Variants in MOBP observed in about 807,000 individuals in gnomAD.
The protein encoded by MOBP is myelin associated oligodendrocyte basic protein.
In MOBP, 5 loss-of-function variants were observed where a neutral mutation model predicts 15.0. That is an observed-to-expected ratio of 0.33 (90% CI 0.17 to 0.70). The LOEUF (loss-of-function observed/expected upper bound fraction) is 0.70. Ranked by LOEUF, MOBP falls within the 30% of genes least tolerant of loss-of-function variation. MOBP has a pLI of 0.67. For synonymous variants in MOBP, 88 were observed against 99.0 expected (o/e 0.89, Z 0.66); for missense variants, 188 against 257.8 (o/e 0.73, Z 1.85).
At chr3:39,520,759 A>T (rs1488629845), downstream of MOBP, among the ~76,000 whole-genome samples, 1 of 152,164 alleles carries the variant, frequency 6.6e-6, no homozygotes, top group African/African-American at 2.4e-5. Context: ...ACAGGAGGTC[A>T]TGGCTCCTGA....
intron 1 of MOBP, among the ~76,000 whole-genome samples, chr3:39,473,345 G>A (rs2042497380): frequency 6.6e-6 from 1 of 152,200 alleles, no homozygotes; most frequent in South Asian, 2.1e-4. Flanking sequence ...GGGCCACCTG[G>A]CCACATGGGG....
chr3:39,508,947 A>G (rs1243865678), intron 4 of MOBP, among the ~76,000 whole-genome samples: 1 of 152,156 alleles, frequency 6.6e-6, no homozygotes, highest in East Asian at 1.9e-4. Flanking sequence ...GAACACAACT[A>G]TATATACAGG....
chr3:39,491,597 C>T (rs1267175109), intron 2 of MOBP, among the ~76,000 whole-genome samples: 2 of 152,002 alleles, frequency 1.3e-5, no homozygotes, highest in Non-Finnish European at 2.9e-5. Flanking sequence ...AGAATCATAC[C>T]AGACAACTCA....
At chr3:39,468,241 C>T (rs1477114479) in intron 1 of MOBP, among the ~76,000 whole-genome samples, 3 of 152,128 alleles carry the variant, frequency 2.0e-5, no homozygotes, top group African/African-American at 7.2e-5. Context: ...ATTCTGCCCC[C>T]TGTAGACCAA....
downstream of MOBP, among the ~76,000 whole-genome samples, chr3:39,519,186 G>A (rs938417515): frequency 4.6e-5 from 7 of 152,132 alleles, no homozygotes; most frequent in African/African-American, 9.7e-5. Flanking sequence ...AGATTTTTAC[G>A]TAATCTCTTT....
chr3:39,468,980 A>G (rs896974864), intron 1 of MOBP, among the ~76,000 whole-genome samples: 1 of 117,180 alleles, frequency 8.5e-6, no homozygotes, highest in Non-Finnish European at 1.6e-5. Flanking sequence ...GTATATATAC[A>G]TATATACATA....
At chr3:39,521,978 G>T (rs558834820) in intron 3 of MOBP, among the ~76,000 whole-genome samples, 1 of 152,302 alleles carries the variant, frequency 6.6e-6, no homozygotes, top group African/African-American at 2.4e-5. Flanking sequence ...TATGGGAGGA[G>T]GGTGGGTCTG....
intron 2 of MOBP, among the ~76,000 whole-genome samples, chr3:39,482,076 A>G (rs543972982): frequency 6.6e-6 from 1 of 151,822 alleles, no homozygotes; most frequent in Non-Finnish European, 1.5e-5. Flanking sequence ...AAACACCTCA[A>G]CTTGAATCCA....
At chr3:39,492,283 C>G (rs995273816) in intron 2 of MOBP, among the ~76,000 whole-genome samples, 3 of 152,086 alleles carry the variant, frequency 2.0e-5, no homozygotes, top group Admixed American at 2.0e-4. Context: ...CATGGCAAGG[C>G]CTAGCAGAGG....
intron 3 of MOBP, chr3:39,524,164 A>G (rs888867326): frequency 2.6e-5 from 4 of 152,226 alleles, no homozygotes; most frequent in African/African-American, 7.2e-5. Flanking sequence ...GGATGCACAG[A>G]TACAACCACT....
downstream of MOBP, among the ~76,000 whole-genome samples, chr3:39,506,703 C>T (rs2043052446): frequency 2.0e-5 from 3 of 152,178 alleles, no homozygotes; most frequent in South Asian, 6.2e-4. Context: ...GCAAAGTGGA[C>T]TGCAGCAGCA....
At chr3:39,508,494 A>G (rs1221336790) in intron 4 of MOBP, among the ~76,000 whole-genome samples, 1 of 151,478 alleles carries the variant, frequency 6.6e-6, no homozygotes, top group Non-Finnish European at 1.5e-5. Context: ...GTAATATTAT[A>G]GCCTTTTGAG....
intron 4 of MOBP, among the ~76,000 whole-genome samples, chr3:39,512,949 C>T (rs1254779898): frequency 1.3e-5 from 2 of 152,142 alleles, no homozygotes; most frequent in Non-Finnish European, 2.9e-5. Context: ...TTTGTTCCCT[C>T]ATCAAAGTGG....
downstream of MOBP, among the ~76,000 whole-genome samples, chr3:39,504,268 T>C (rs949968963): frequency 6.6e-6 from 1 of 152,218 alleles, no homozygotes; most frequent in African/African-American, 2.4e-5. Flanking sequence ...CAGGTAAGTA[T>C]TGATATATGG....
chr3:39,476,835 C>T (rs2042551872), intron 1 of MOBP, among the ~76,000 whole-genome samples: 1 of 151,882 alleles, frequency 6.6e-6, no homozygotes, highest in African/African-American at 2.4e-5. Flanking sequence ...CTTATCTTTT[C>T]TCTATTTTAA....
At chr3:39,492,972 T>C (rs1358214950) in intron 2 of MOBP, among the ~76,000 whole-genome samples, 1 of 152,220 alleles carries the variant, frequency 6.6e-6, no homozygotes. Flanking sequence ...CCCGTTTGCA[T>C]GTCTGACTTC....
chr3:39,480,744 C>T (rs1305824364), intron 2 of MOBP, among the ~76,000 whole-genome samples: 1 of 152,184 alleles, frequency 6.6e-6, no homozygotes, highest in African/African-American at 2.4e-5. Flanking sequence ...CTGCCCACTC[C>T]CTCTCCACTT....
Position 39,502,523 on chromosome 3 carries a change from T to C in MOBP, c.207-12T>C, listed in dbSNP as rs1317677443. On this transcript the variant is annotated splice_polypyrimidine_tract_variant and intron_variant, in intron 3 of 3. Transcript: ENST00000684792. The surrounding 1 kb of genome is among the most constrained non-coding windows in gnomAD (Gnocchi z 6.3). ...CCTGGCTCCCGCCTCCAGCTTCTTT[T>C]GGCCCTCTCAGAACCAGCCGCCGTG... 8 of 1,572,114 alleles carry C rather than the reference T, an allele frequency of 5.1e-6. No individual in the cohort carries two copies. The highest frequency in any genetic ancestry group is 1.2e-5 in the South Asian group (1 of 86,844).
chr3:39,508,799 G>A (rs558676111), intron 4 of MOBP, among the ~76,000 whole-genome samples: 11 of 152,012 alleles, frequency 7.2e-5, no homozygotes, highest in African/African-American at 2.2e-4. Flanking sequence ...TGCCCACCTC[G>A]GACTTTCAAA....
Sources: allele counts gnomAD v4.1 joint callset (sites outside exome capture counted in the v4.1 genomes callset), GRCh38; gene constraint gnomAD v4.1.1; non-coding constraint Gnocchi (gnomAD v3.1); transcripts MANE v1.5; gene names NCBI Gene and HGNC (gene_info 2026-07-23, HGNC 2026-07-21).